PLPPR1: variants seen among roughly 807,000 people sequenced by gnomAD.
The protein encoded by PLPPR1 is phospholipid phosphatase related 1.
In PLPPR1, 10 loss-of-function variants were observed where a neutral mutation model predicts 33.1. The observed-to-expected ratio is 0.30, with a 90% confidence interval of 0.19 to 0.51. The LOEUF (loss-of-function observed/expected upper bound fraction) is 0.51. Among genes scored for constraint, PLPPR1 ranks in the 20% least tolerant of loss-of-function variants. The pLI is 0.97. For missense variants in PLPPR1, 304 were observed against 408.1 expected (o/e 0.74, Z 2.20); for synonymous variants, 151 against 151.0 (o/e 1.00, Z 0.00).
intron 4 of PLPPR1, among the ~76,000 whole-genome samples, chr9:101,287,239 G>A (rs1297956080): frequency 2.0e-5 from 3 of 152,188 alleles, no homozygotes; most frequent in African/African-American, 7.2e-5. Context: ...GTTATTTGCA[G>A]AATAAAAGTT....
At chr9:101,248,264 C>A (rs1254043186) in intron 2 of PLPPR1, among the ~76,000 whole-genome samples, 6 of 152,092 alleles carry the variant, frequency 3.9e-5, no homozygotes, top group Non-Finnish European at 5.9e-5. Context: ...AGATACCTGT[C>A]ATGAACAACA....
At chr9:101,299,411 A>G (rs945783832) in intron 4 of PLPPR1, among the ~76,000 whole-genome samples, 6 of 152,194 alleles carry the variant, frequency 3.9e-5, no homozygotes, top group Non-Finnish European at 5.9e-5. Flanking sequence ...AGGCGTAGCC[A>G]GGGAGCAACC....
At chr9:101,056,606 T>C (rs1042641753) in intron 1 of PLPPR1, among the ~76,000 whole-genome samples, 15 of 152,070 alleles carry the variant, frequency 9.9e-5, no homozygotes, top group African/African-American at 3.6e-4. Flanking sequence ...CAGAATATTA[T>C]GAAAATGCAA....
chr9:101,118,152 G>C (rs1203306199), intron 1 of PLPPR1, among the ~76,000 whole-genome samples: 1 of 152,224 alleles, frequency 6.6e-6, no homozygotes, highest in Non-Finnish European at 1.5e-5. Context: ...GGACAGAGAT[G>C]GGGAGGAAGC....
At chr9:101,268,548 C>G (rs1223566908) in intron 2 of PLPPR1, among the ~76,000 whole-genome samples, 3 of 152,140 alleles carry the variant, frequency 2.0e-5, no homozygotes, top group Admixed American at 2.0e-4. Context: ...GTTTTAGATC[C>G]TGATACAGCT....
At chr9:101,179,911 G>A (rs1826073473) in intron 1 of PLPPR1, among the ~76,000 whole-genome samples, 1 of 151,544 alleles carries the variant, frequency 6.6e-6, no homozygotes, top group Admixed American at 6.6e-5. Flanking sequence ...ACTTGAAAAG[G>A]TTAGACTGGC....
intron 4 of PLPPR1, among the ~76,000 whole-genome samples, chr9:101,295,317 G>A (rs994775758): frequency 3.3e-5 from 5 of 151,868 alleles, no homozygotes; most frequent in Non-Finnish European, 2.9e-5. Flanking sequence ...CAAACAAATG[G>A]AAGAACATTC....
intron 1 of PLPPR1, among the ~76,000 whole-genome samples, chr9:101,093,928 TTC>T (rs1830781188): frequency 6.6e-6 from 1 of 152,204 alleles, no homozygotes; most frequent in Admixed American, 6.5e-5. Flanking sequence ...AGGATACATG[TTC>T]TCTCTCCCAA....
At chr9:101,265,582 T>C (rs1349394911) in intron 2 of PLPPR1, among the ~76,000 whole-genome samples, 1 of 152,224 alleles carries the variant, frequency 6.6e-6, no homozygotes, top group Non-Finnish European at 1.5e-5. Context: ...GAAAGGAGTA[T>C]GCTGATGGCT....
At chr9:101,181,697 T>C (rs76353520) in intron 1 of PLPPR1, among the ~76,000 whole-genome samples, 19,855 of 114,864 alleles carry the variant, frequency 0.17, 2,100 homozygotes, top group East Asian at 0.55. Context: ...CACACATACA[T>C]ATATACACAC....
At chr9:101,135,103 C>T (rs1183820250) in intron 1 of PLPPR1, among the ~76,000 whole-genome samples, 1 of 152,202 alleles carries the variant, frequency 6.6e-6, no homozygotes, top group Non-Finnish European at 1.5e-5. Flanking sequence ...GCAACTGCAT[C>T]ACAGTGTGGG....
chr9:101,196,993 C>T (rs1260411886), intron 2 of PLPPR1, among the ~76,000 whole-genome samples: 2 of 152,186 alleles, frequency 1.3e-5, no homozygotes, highest in East Asian at 3.9e-4. Context: ...TTCGCCAGTA[C>T]ATGAATCTAG....
intron 1 of PLPPR1, among the ~76,000 whole-genome samples, chr9:101,132,211 T>A (rs550833137): frequency 2.0e-5 from 3 of 152,292 alleles, no homozygotes; most frequent in Non-Finnish European, 4.4e-5. Context: ...TTCAATGTTT[T>A]CAGCTTAAAG....
chr9:101,306,811 G>T (rs1300709750), intron 4 of PLPPR1, among the ~76,000 whole-genome samples: 2 of 152,184 alleles, frequency 1.3e-5, no homozygotes, highest in Non-Finnish European at 1.5e-5. Flanking sequence ...ATCATACCTT[G>T]CAATACTGGA....
chr9:101,110,553 G>A (rs1222768579), intron 1 of PLPPR1, among the ~76,000 whole-genome samples: 2 of 152,092 alleles, frequency 1.3e-5, no homozygotes, highest in African/African-American at 4.8e-5. Context: ...TCTATCAATT[G>A]TGGACTGTTT....
chr9:101,030,944 A>G (rs2118394126), intron 1 of PLPPR1, among the ~76,000 whole-genome samples: 1 of 152,138 alleles, frequency 6.6e-6, no homozygotes, highest in Admixed American at 6.5e-5. Context: ...TTAAGAAAGG[A>G]AAAAAAGAAG....
At chr9:101,089,098 G>T (rs552119095) in intron 1 of PLPPR1, among the ~76,000 whole-genome samples, 2 of 152,284 alleles carry the variant, frequency 1.3e-5, no homozygotes, top group South Asian at 4.1e-4. Context: ...GCGTATAATA[G>T]TGGGTAACTT....
chr9:101,287,903 C>T (rs913037625), intron 4 of PLPPR1, among the ~76,000 whole-genome samples: 18 of 152,252 alleles, frequency 1.2e-4, no homozygotes, highest in African/African-American at 4.3e-4. Context: ...CACACACGTA[C>T]ATAATTTGAT....
intron 1 of PLPPR1, among the ~76,000 whole-genome samples, chr9:101,072,285 C>T (rs970103038): frequency 6.6e-6 from 1 of 152,148 alleles, no homozygotes; most frequent in Non-Finnish European, 1.5e-5. Flanking sequence ...TGTGTTGCGG[C>T]TTAGCCCTCC....
Sources: gnomAD v4.1 joint callset for allele counts (sites outside exome capture counted in the v4.1 genomes callset) on GRCh38, gnomAD v4.1.1 for gene constraint, MANE v1.5 for transcripts, NCBI Gene and HGNC (gene_info 2026-07-23, HGNC 2026-07-21) for gene names.